SCRN1: variants seen among roughly 807,000 people sequenced by gnomAD.
SCRN1 encodes the protein secernin 1.
SCRN1 carries 19 observed loss-of-function variants against 43.3 expected under a neutral mutation model. That is an observed-to-expected ratio of 0.44 (90% CI 0.31 to 0.64). The LOEUF is 0.64. Ranked by LOEUF, SCRN1 falls within the 30% of genes least tolerant of loss-of-function variation. The probability of loss-of-function intolerance (pLI) is 0.09; values close to 1 mark genes in which losing one functional copy is unlikely to be tolerated. For missense variants in SCRN1, 447 were observed against 524.1 expected (o/e 0.85, Z 1.44); for synonymous variants, 183 against 188.9 (o/e 0.97, Z 0.26).
At chr7:29,981,907 A>C (rs1253824672) in intron 1 of SCRN1, among the ~76,000 whole-genome samples, 4 of 152,228 alleles carry the variant, frequency 2.6e-5, no homozygotes, top group African/African-American at 7.2e-5. Context: ...TAGAAGGCTC[A>C]GATTGTGGGT....
At position 29,925,259 on chromosome 7, in the gene SCRN1, G is replaced by C. The variant is rs1444466375; in HGVS notation, c.1087-1144C>G. ...GTGTCAAATGGTCACTTCTATGGAA[G>C]AGAAGGGCAAGCTCTCAGAAAAGTG... is the stretch of plus-strand genomic sequence containing the variant. On this transcript the variant is annotated intron_variant, in intron 7 of 7. Coordinates refer to ENST00000242059, the MANE Select transcript of SCRN1 (RefSeq NM_014766.5). Among the ~76,000 whole-genome samples the C allele has an allele frequency of 2.6e-5, 4 of 152,222 alleles. No homozygotes were observed. The East Asian group carries it at 7.7e-4, about 29-fold the overall frequency.
chr7:29,982,432 T>A (rs1158403696), intron 1 of SCRN1, among the ~76,000 whole-genome samples: 1 of 150,104 alleles, frequency 6.7e-6, no homozygotes, highest in Admixed American at 6.7e-5. Flanking sequence ...GTAATCACAG[T>A]AGTTTGGGAG....
intron 3 of SCRN1, among the ~76,000 whole-genome samples, chr7:29,951,500 C>T (rs1410985114): frequency 2.0e-5 from 3 of 152,320 alleles, no homozygotes; most frequent in South Asian, 4.1e-4. Context: ...CCGTAAGGAT[C>T]GTGTGACACT....
intron 2 of SCRN1, among the ~76,000 whole-genome samples, chr7:29,963,475 AT>A (rs1788395100): frequency 2.0e-5 from 3 of 152,206 alleles, no homozygotes; most frequent in Admixed American, 1.3e-4. Flanking sequence ...CAAGTGTGTT[AT>A]TTGTTCAAGA....
intron 2 of SCRN1, among the ~76,000 whole-genome samples, chr7:29,957,741 G>A (rs1018415771): frequency 1.3e-5 from 2 of 152,188 alleles, no homozygotes; most frequent in Non-Finnish European, 2.9e-5. Flanking sequence ...TATCACGTGG[G>A]AGAAATCTGG....
At chr7:29,928,860 C>T (rs1691018556) in intron 6 of SCRN1, among the ~76,000 whole-genome samples, 1 of 152,204 alleles carries the variant, frequency 6.6e-6, no homozygotes, top group Non-Finnish European at 1.5e-5. Context: ...AAACCTAAAA[C>T]TGTTTAAACC....
At chr7:29,966,683 C>G (rs1433421422) in intron 2 of SCRN1, among the ~76,000 whole-genome samples, 1 of 152,184 alleles carries the variant, frequency 6.6e-6, no homozygotes, top group Middle Eastern at 3.2e-3. Flanking sequence ...AAAGGAAAAT[C>G]CCACTAAAGT....
At chr7:29,966,622 T>C (rs951053911) in intron 2 of SCRN1, among the ~76,000 whole-genome samples, 2 of 152,316 alleles carry the variant, frequency 1.3e-5, no homozygotes, top group South Asian at 2.1e-4. Flanking sequence ...AATACCCATT[T>C]AAAACCTAAC....
Position 29,938,748 on chromosome 7 carries a change from C to T in SCRN1, c.739+1934G>A, listed in dbSNP as rs182753609. Among the ~76,000 whole-genome samples, 577 of 152,284 alleles carry T rather than the reference C, an allele frequency of 3.8e-3. 3 individuals carry two copies. The highest frequency in any genetic ancestry group is 6.2e-3 in the Non-Finnish European group (419 of 68,028). On this transcript the variant is annotated intron_variant, in intron 5 of 7. Transcript: ENST00000242059. ...TTAGTTAATCTATAACCTATAGAAA[C>T]AATGCTTATCACTGGCTTGCTGTCA...
At chr7:29,941,281 T>G (rs2128090019) in intron 4 of SCRN1, among the ~76,000 whole-genome samples, 1 of 152,360 alleles carries the variant, frequency 6.6e-6, no homozygotes, top group African/African-American at 2.4e-5. Context: ...ATAATAGAGA[T>G]GCTGTTCCTC....
rs751039693 is a variant in SCRN1 at position 29,940,685 on chromosome 7, C to T, written c.736G>A (p.Glu246Lys). The T allele has an allele frequency of 6.3e-7, 1 of 1,594,042 alleles. No homozygotes were observed. Among genetic ancestry groups the T allele is most frequent in the South Asian group, 1.1e-5 (1 of 87,056 alleles). ...CGTGAGGGAGAGACTAACTCACCTT[C>T]TTGTTTTTCTAAGCTGTCTTTGCCA... is the stretch of plus-strand genomic sequence containing the variant. ...GAGKDSLEKQEESITVQTMMN... is the reference protein window; with the variant it reads ...GAGKDSLEKQKESITVQTMMN... Residue 246 changes from glutamate (E) to lysine (K), a missense_variant, in exon 5 of 8, where the codon GAA becomes AAA. Physicochemically the swap from Glu to Lys is moderately conservative, Grantham distance 56. Transcript: ENST00000242059.
chr7:29,953,608 G>C (rs1389897729), intron 3 of SCRN1, among the ~76,000 whole-genome samples: 1 of 152,064 alleles, frequency 6.6e-6, no homozygotes, highest in East Asian at 1.9e-4. Context: ...TATATAACTG[G>C]TTTTTAAAAA....
chr7:29,961,137 T>A lies in SCRN1; in HGVS notation c.160-5777A>T, dbSNP rs559746598. Among the ~76,000 whole-genome samples the A allele has an allele frequency of 2.3e-3, 326 of 141,310 alleles. 4 individuals carry two copies. Among genetic ancestry groups the A allele is most frequent in the African/African-American group, 8.1e-3 (309 of 38,048 alleles). The allele number at this position is 141,310 out of a possible 152,430, so 92.7% of individuals were successfully genotyped here. On this transcript the variant is annotated intron_variant, in intron 2 of 7. Coordinates refer to ENST00000242059, the MANE Select transcript of SCRN1 (RefSeq NM_014766.5). ...CACAGAGGGGGATTTGGCAGGGTCA[T>A]GGGACAATAGTGGAGGGAAGGTCAG...
chr7:29,957,711 G>A (rs112005646), intron 2 of SCRN1, among the ~76,000 whole-genome samples: 209 of 152,278 alleles, frequency 1.4e-3, no homozygotes, highest in African/African-American at 4.8e-3. Flanking sequence ...AAACACATCC[G>A]CATGGTCCGC....
At chr7:29,927,856 C>T (rs559213896) in intron 6 of SCRN1, among the ~76,000 whole-genome samples, 1 of 152,222 alleles carries the variant, frequency 6.6e-6, no homozygotes, top group East Asian at 1.9e-4. Flanking sequence ...TATGGTGGCT[C>T]ACACCTGTAA....
chr7:29,933,759 C>T (rs879709935), intron 6 of SCRN1, among the ~76,000 whole-genome samples: 7 of 152,060 alleles, frequency 4.6e-5, no homozygotes, highest in African/African-American at 1.7e-4. Context: ...AGGATGTGAG[C>T]GCAAGTTATT....
chr7:29,933,601 A>G (rs567632456), intron 6 of SCRN1, among the ~76,000 whole-genome samples: 3 of 152,336 alleles, frequency 2.0e-5, no homozygotes, highest in East Asian at 1.9e-4. Context: ...TGTTGATGTG[A>G]TGGAATTTGC....
chr7:29,963,576 G>A (rs1263213915), intron 2 of SCRN1, among the ~76,000 whole-genome samples: 2 of 152,190 alleles, frequency 1.3e-5, no homozygotes, highest in Admixed American at 6.5e-5. Context: ...GCAGGAAATT[G>A]TATAACCCTT....
chr7:29,949,208 G>A (rs940045142), intron 3 of SCRN1, among the ~76,000 whole-genome samples: 3 of 151,404 alleles, frequency 2.0e-5, no homozygotes, highest in Admixed American at 6.6e-5. Context: ...CCAGCTACTC[G>A]GGAGGCTGAG....
Sources: allele counts gnomAD v4.1 joint callset (sites outside exome capture counted in the v4.1 genomes callset), GRCh38; gene constraint gnomAD v4.1.1; transcripts MANE v1.5; gene names NCBI Gene and HGNC (gene_info 2026-07-23, HGNC 2026-07-21).